The following EYS variants were observed in gnomAD, a reference collection of about 807,000 sequenced individuals.
EYS encodes protein eyes shut homolog.
In EYS, 250 loss-of-function variants were observed where a neutral mutation model predicts 282.1. That is an observed-to-expected ratio of 0.89 (90% CI 0.80 to 0.98). EYS has a LOEUF of 0.98. Ranked by LOEUF, EYS falls within the 50% of genes least tolerant of loss-of-function variation. The pLI is 0.00. For missense variants in EYS, 4,016 were observed against 3,709.0 expected, an observed-to-expected ratio of 1.08 and a Z score of -2.15; for synonymous variants, 1,355 against 1,282.9, an observed-to-expected ratio of 1.06 and a Z score of -1.20.
At chr6:65,054,499 A>G (rs1303602695) in intron 13 of EYS, among the ~76,000 whole-genome samples, 1 of 152,040 alleles carries the variant, frequency 6.6e-6, no homozygotes, top group Admixed American at 6.6e-5. Flanking sequence ...TCTCATCTAC[A>G]TACAAGATAA....
chr6:65,562,547 T>C lies in EYS; in HGVS notation c.-332-66554A>G, dbSNP rs116656115. On this transcript the variant is annotated intron_variant, in intron 2 of 42. Coordinates refer to ENST00000503581, the MANE Select transcript of EYS (RefSeq NM_001142800.2). Reference sequence around the variant, plus strand: ...TTTAATAAACATAGGTATCTTGAAGTAGGTATACCATGTTCTCTGGACCTC... The same window carrying C: ...TTTAATAAACATAGGTATCTTGAAGCAGGTATACCATGTTCTCTGGACCTC... Among the ~76,000 whole-genome samples, 529 of 152,126 alleles carry C rather than the reference T, an allele frequency of 3.5e-3. 3 individuals carry two copies. The highest frequency in any genetic ancestry group is 0.012 in the African/African-American group (513 of 41,528).
intron 12 of EYS, among the ~76,000 whole-genome samples, chr6:65,212,742 TAAG>T (rs1562025693): frequency 6.6e-6 from 1 of 152,086 alleles, no homozygotes. Context: ...AATTTATGTA[TAAG>T]AAGAGTTATC....
chr6:65,004,501 A>G (rs917222794), intron 13 of EYS, among the ~76,000 whole-genome samples: 1 of 147,690 alleles, frequency 6.8e-6, no homozygotes, highest in Admixed American at 6.7e-5. Flanking sequence ...AACTGCACTC[A>G]TTGACATTGA....
At chr6:63,965,098 T>A (rs893477888) in intron 35 of EYS, among the ~76,000 whole-genome samples, 1 of 152,138 alleles carries the variant, frequency 6.6e-6, no homozygotes, top group East Asian at 1.9e-4. Flanking sequence ...AAAATAACTT[T>A]GGGATATATG....
intron 26 of EYS, among the ~76,000 whole-genome samples, chr6:64,544,278 G>A (rs976282738): frequency 6.6e-6 from 1 of 152,170 alleles, no homozygotes; most frequent in African/African-American, 2.4e-5. Flanking sequence ...AGTATATGTA[G>A]TTGCACACTG....
intron 36 of EYS, among the ~76,000 whole-genome samples, chr6:63,834,980 C>A (rs1733602422): frequency 1.4e-5 from 2 of 141,402 alleles, no homozygotes; most frequent in Non-Finnish European, 3.0e-5. Context: ...CACGTTCTCA[C>A]TCATAGGTGG....
chr6:63,998,988 A>G (rs936897587), intron 34 of EYS, 87 bp downstream of exon 34: 2 of 797,544 alleles, frequency 2.5e-6, no homozygotes, highest in Non-Finnish European at 2.1e-6. Context: ...ATTAAGAAAT[A>G]TGATTACTGC....
At chr6:65,278,454 T>C (rs1303228054) in intron 12 of EYS, among the ~76,000 whole-genome samples, 1 of 149,774 alleles carries the variant, frequency 6.7e-6, no homozygotes, top group African/African-American at 2.4e-5. Context: ...CAGCAGCTCA[T>C]ATCTATATAT....
intron 12 of EYS, among the ~76,000 whole-genome samples, chr6:65,082,065 T>A (rs745318498): frequency 6.6e-6 from 1 of 152,128 alleles, no homozygotes. Flanking sequence ...TCATTAATAA[T>A]GTATTACAGT....
At chr6:64,716,858 C>T (rs1771417776) in intron 22 of EYS, among the ~76,000 whole-genome samples, 1 of 152,084 alleles carries the variant, frequency 6.6e-6, no homozygotes, top group Non-Finnish European at 1.5e-5. Context: ...GGTTTCATGC[C>T]TTTGTTGGAT....
At chr6:65,438,570 C>T (rs1305682947) in intron 5 of EYS, among the ~76,000 whole-genome samples, 1 of 152,162 alleles carries the variant, frequency 6.6e-6, no homozygotes, top group African/African-American at 2.4e-5. Flanking sequence ...GAGATGCTAT[C>T]TCATTGTGGT....
At position 65,334,986 on chromosome 6, in the gene EYS, C is replaced by G. The variant is rs1384788285; in HGVS notation, c.1760G>C (p.Arg587Thr). The change falls in exon 11 of 43, where the codon AGA becomes ACA. Residue 587 changes from arginine (R) to threonine (T), a missense_variant. Arg to Thr is a moderately conservative substitution (Grantham distance 71). Transcript: ENST00000503581. ...TCAAATGATACATAAATACCTGGGT[C>G]TATTAATTTCATCTTTACAAACAGC... ...HEAVCKDEIN[R>T]PRCSCSLSYI... 37 of 1,607,248 alleles carry G rather than the reference C, an allele frequency of 2.3e-5. No individual in the cohort carries two copies. Among genetic ancestry groups the G allele is most frequent in the Non-Finnish European group, 3.1e-5 (37 of 1,175,428 alleles).
intron 22 of EYS, among the ~76,000 whole-genome samples, chr6:64,676,309 A>AATAT (rs1465260083): frequency 6.1e-5 from 8 of 131,924 alleles, no homozygotes; most frequent in Admixed American, 2.3e-4. Context: ...ATCTATATCC[A>AATAT]ATATATCTAT....
intron 39 of EYS, among the ~76,000 whole-genome samples, chr6:63,784,951 C>T (rs1372973007): frequency 6.6e-6 from 1 of 152,158 alleles, no homozygotes; most frequent in Non-Finnish European, 1.5e-5. Flanking sequence ...ATTCTAACTT[C>T]AGTTGCATCA....
intron 26 of EYS, among the ~76,000 whole-genome samples, chr6:64,553,272 T>A (rs1765142765): frequency 6.6e-6 from 1 of 152,172 alleles, no homozygotes; most frequent in African/African-American, 2.4e-5. Flanking sequence ...TTAATTATCA[T>A]GAGCATAGTA....
intron 11 of EYS, 77 bp from the exon 12 acceptor site, chr6:65,296,196 T>A (rs1159119214): frequency 7.7e-7 from 1 of 1,305,476 alleles, no homozygotes; most frequent in Non-Finnish European, 1.0e-6. Flanking sequence ...AATCACACAT[T>A]TATTTAAAAA....
chr6:64,695,068 C>T (rs1227623277), intron 22 of EYS, among the ~76,000 whole-genome samples: 1 of 152,066 alleles, frequency 6.6e-6, no homozygotes, highest in Non-Finnish European at 1.5e-5. Context: ...TTCTAGGGGC[C>T]TGAGAACTGC....
intron 22 of EYS, among the ~76,000 whole-genome samples, chr6:64,758,779 C>T (rs571383397): frequency 1.3e-5 from 2 of 152,220 alleles, no homozygotes; most frequent in Non-Finnish European, 2.9e-5. Context: ...AGAGTCTACC[C>T]TTTGGGCAAA....
At chr6:65,550,156 T>TATCTCC (rs1266252091) in intron 2 of EYS, among the ~76,000 whole-genome samples, 1 of 8,506 alleles carries the variant, frequency 1.2e-4, no homozygotes, top group African/African-American at 3.0e-3. Context: ...TTTTTTTTTT[T>TATCTCC]TTTTTTTTTT....
Sources: gnomAD v4.1 joint callset for allele counts (sites outside exome capture counted in the v4.1 genomes callset) on GRCh38, gnomAD v4.1.1 for gene constraint, MANE v1.5 for transcripts, NCBI Gene and HGNC (gene_info 2026-07-23, HGNC 2026-07-21) for gene names.